Variants in DLGAP2 observed in about 807,000 individuals in gnomAD.
DLGAP2 encodes the protein DLG associated protein 2, also known as disks large-associated protein 2.
DLGAP2 carries 26 observed loss-of-function variants against 100.3 expected under a neutral mutation model. The observed-to-expected ratio is 0.26, with a 90% CI of 0.19 to 0.36. DLGAP2 has a LOEUF of 0.36. DLGAP2 is among the 10% of genes least tolerant of loss of function. The pLI is 1.00. For synonymous variants in DLGAP2, 886 were observed against 630.1 expected (o/e 1.41, Z -6.08); for missense variants, 1,858 against 1,453.2 (o/e 1.28, Z -4.53).
At chr8:915,613 A>T (rs1327072978) in intron 2 of DLGAP2, among the ~76,000 whole-genome samples, 1 of 151,964 alleles carries the variant, frequency 6.6e-6, no homozygotes, top group Non-Finnish European at 1.5e-5. Flanking sequence ...CACCTGCCAC[A>T]GCCGCCACCC....
chr8:1,379,296 C>T (rs1171608022), intron 3 of DLGAP2, among the ~76,000 whole-genome samples: 2 of 152,268 alleles, frequency 1.3e-5, no homozygotes, highest in Non-Finnish European at 2.9e-5. Context: ...GCTAAGTCAC[C>T]AGCTCAGTGC....
chr8:1,191,104 G>T (rs972430322), intron 2 of DLGAP2, among the ~76,000 whole-genome samples: 5 of 152,088 alleles, frequency 3.3e-5, no homozygotes, highest in Admixed American at 3.3e-4. Flanking sequence ...ATTTATTTAC[G>T]TGGGATGTCT....
chr8:1,296,255 G>A (rs562388934), intron 3 of DLGAP2: 1 of 151,910 alleles, frequency 6.6e-6, no homozygotes, highest in South Asian at 2.1e-4. Flanking sequence ...CACTCTTGTT[G>A]AATAGATATG....
chr8:791,928 G>A (rs780423234), intron 1 of DLGAP2, among the ~76,000 whole-genome samples: 18 of 152,152 alleles, frequency 1.2e-4, no homozygotes, highest in Non-Finnish European at 2.2e-4. Flanking sequence ...TAACGACGTC[G>A]CATGTGTTTC....
chr8:1,087,384 A>G (rs1268006707), intron 2 of DLGAP2, among the ~76,000 whole-genome samples: 1 of 152,044 alleles, frequency 6.6e-6, no homozygotes, highest in Non-Finnish European at 1.5e-5. Flanking sequence ...TCCAGTTCAG[A>G]GTGTTGTCTA....
At chr8:997,297 A>T (rs1287944786) in intron 2 of DLGAP2, among the ~76,000 whole-genome samples, 1 of 152,236 alleles carries the variant, frequency 6.6e-6, no homozygotes, top group Admixed American at 6.5e-5. Context: ...TGAAAATTAC[A>T]AAATATTACA....
chr8:1,230,503 A>G (rs968435891), intron 2 of DLGAP2, among the ~76,000 whole-genome samples: 1 of 152,222 alleles, frequency 6.6e-6, no homozygotes, highest in Non-Finnish European at 1.5e-5. Flanking sequence ...AGAACTAGAA[A>G]AAAACTATTC....
intron 3 of DLGAP2, among the ~76,000 whole-genome samples, chr8:1,336,008 AAACAT>A (rs2117069823): frequency 6.6e-6 from 1 of 152,196 alleles, no homozygotes; most frequent in South Asian, 2.1e-4. Flanking sequence ...CCAGGGGGGA[AAACAT>A]CACAATATAA....
intron 2 of DLGAP2, among the ~76,000 whole-genome samples, chr8:1,076,714 G>C (rs1162171885): frequency 6.6e-6 from 1 of 152,196 alleles, no homozygotes; most frequent in Non-Finnish European, 1.5e-5. Flanking sequence ...GTGTGTTAGT[G>C]TCCTGGGCTG....
At chr8:1,269,446 C>T (rs918528324) in intron 3 of DLGAP2, among the ~76,000 whole-genome samples, 1 of 152,166 alleles carries the variant, frequency 6.6e-6, no homozygotes, top group African/African-American at 2.4e-5. Context: ...AACACTTGCT[C>T]CAGGGCTTGT....
At chr8:796,817 A>T (rs1796045859) in intron 1 of DLGAP2, among the ~76,000 whole-genome samples, 1 of 152,194 alleles carries the variant, frequency 6.6e-6, no homozygotes, top group African/African-American at 2.4e-5. Context: ...CATGACAGCC[A>T]GGTGGCTTCT....
chr8:1,338,047 G>A (rs1388320224), intron 3 of DLGAP2, among the ~76,000 whole-genome samples: 1 of 152,220 alleles, frequency 6.6e-6, no homozygotes, highest in African/African-American at 2.4e-5. Flanking sequence ...AAGTATTGCT[G>A]AGGACTGGAG....
rs1336792794 is a variant in DLGAP2, at chr8:1,463,745, G to A, written c.107-37621G>A. 2.6e-5 allele frequency among the ~76,000 whole-genome samples: 4 copies of A among 152,378 alleles called. No homozygotes were observed. In the East Asian group the frequency reaches 7.7e-4, roughly 29 times the overall value. ...CGTTGAACATGGTGTGAGCGGCCCA[G>A]GCCCTCCTCCGTCAGATGGGCCTGG... On this transcript the variant is annotated intron_variant, in intron 3 of 14. Transcript: ENST00000637795.
intron 1 of DLGAP2, among the ~76,000 whole-genome samples, chr8:880,433 G>T (rs370146764): frequency 1.3e-5 from 2 of 152,214 alleles, no homozygotes; most frequent in African/African-American, 2.4e-5. Flanking sequence ...CGGGGTGACC[G>T]TCCAGTGTGT....
chr8:1,355,209 G>A (rs959551174), intron 3 of DLGAP2, among the ~76,000 whole-genome samples: 5 of 152,244 alleles, frequency 3.3e-5, no homozygotes, highest in Admixed American at 6.5e-5. Flanking sequence ...TGGCACCCGC[G>A]TGCTGGCGTG....
At chr8:1,272,840 T>C (rs1032197160) in intron 3 of DLGAP2, among the ~76,000 whole-genome samples, 3 of 152,130 alleles carry the variant, frequency 2.0e-5, no homozygotes, top group African/African-American at 7.2e-5. Flanking sequence ...CCTGTCACTG[T>C]TGTAAACATC....
rs569800488 is a variant in DLGAP2 at position 1,112,122 on chromosome 8, C to G, written c.74-146729C>G. Among the ~76,000 whole-genome samples, 5 of 151,738 alleles carry G rather than the reference C, an allele frequency of 3.3e-5. No individual in the cohort carries two copies. The East Asian group carries it at 9.7e-4, about 29-fold the overall frequency. On this transcript the variant is annotated intron_variant, in intron 2 of 14. Transcript: ENST00000637795. ...CATTCTGACTGGTGTGTGATGATATCTCATTGGGGTTTTGCTTTGCATTTC... is the reference window on the plus strand; with the variant it reads ...CATTCTGACTGGTGTGTGATGATATGTCATTGGGGTTTTGCTTTGCATTTC...
intron 1 of DLGAP2, among the ~76,000 whole-genome samples, chr8:817,386 AT>A (rs578152769): frequency 1.2e-4 from 18 of 152,230 alleles, no homozygotes; most frequent in African/African-American, 4.3e-4. Context: ...ATGTTTCTTC[AT>A]TTCCTTAAGT....
At chr8:1,551,668 C>G (rs1801770548) in intron 5 of DLGAP2, among the ~76,000 whole-genome samples, 1 of 152,216 alleles carries the variant, frequency 6.6e-6, no homozygotes. Context: ...AACCATCCCT[C>G]CGAAAGTGAC....
Sources: gnomAD v4.1 joint callset for allele counts (sites outside exome capture counted in the v4.1 genomes callset) on GRCh38, gnomAD v4.1.1 for gene constraint, MANE v1.5 for transcripts, NCBI Gene and HGNC (gene_info 2026-07-23, HGNC 2026-07-21) for gene names.